ZCCHC14: variants seen among roughly 807,000 people sequenced by gnomAD.
ZCCHC14 encodes the protein zinc finger CCHC domain-containing protein 14.
ZCCHC14 carries 16 observed loss-of-function variants against 85.0 expected under a neutral mutation model. That is an observed-to-expected ratio of 0.19 (90% CI 0.13 to 0.29). ZCCHC14 has a LOEUF of 0.29. ZCCHC14 is among the 10% of genes least tolerant of loss of function. The pLI, the probability that ZCCHC14 is intolerant of heterozygous loss-of-function variation, is 1.00. For missense variants in ZCCHC14, 1,303 were observed against 1,443.5 expected (o/e 0.90, Z 1.58); for synonymous variants, 775 against 630.7 (o/e 1.23, Z -3.43).
chr16:87,492,477 C>G lies in ZCCHC14; in HGVS notation c.-239G>C, dbSNP rs1235390688. The G allele has an allele frequency of 1.4e-5, 2 of 144,466 alleles. No homozygotes were observed. Among genetic ancestry groups the G allele is most frequent in the South Asian group, 2.1e-4 (1 of 4,766 alleles). The allele number at this position is 144,466 out of a possible 1,614,324, so 8.9% of individuals were successfully genotyped here. On this transcript the variant is annotated 5_prime_UTR_variant, in exon 1 of 13. Coordinates refer to ENST00000671377, the MANE Select transcript of ZCCHC14 (RefSeq NM_015144.3). The surrounding 1 kb of genome is among the most constrained non-coding windows in gnomAD (Gnocchi z 6.7). ...GGGCGCGCGCGGGGCGCCGGGGGGG[C>G]CCGGGGCGGCCGGGGCGGCCGGGGG...
intron 12 of ZCCHC14, 198 bp downstream of exon 12, chr16:87,411,318 C>A (rs1908420968): frequency 6.8e-7 from 1 of 1,462,120 alleles, no homozygotes. Flanking sequence ...TGTCTGAAAT[C>A]ATCATGGCCG....
Position 87,417,569 on chromosome 16 carries a change from G to C in ZCCHC14, c.1274C>G (p.Ser425Cys). 2 of 1,614,270 alleles carry C rather than the reference G, an allele frequency of 1.2e-6. No individual in the cohort carries two copies. The highest frequency in any genetic ancestry group is 2.2e-5 in the East Asian group (1 of 44,888). The change falls in exon 8 of 13, where the codon TCC becomes TGC. Residue 425 changes from serine (S) to cysteine (C), a missense_variant. Ser to Cys is a moderately radical substitution (Grantham distance 112). Transcript: ENST00000671377. ...MDTSPAILMP[S>C]SLQTPQTQEQ... ...CTGGGTCTGAGGGGTCTGCAGACTG[G>C]AAGGCATGAGGATGGCAGGTGATGT...
rs1277076080 is a variant in ZCCHC14 at position 87,492,654 on chromosome 16, C to G, written c.-416G>C. 6.9e-6 allele frequency: 1 copy of G among 145,926 alleles called. No individual in the cohort carries two copies. The highest frequency in any genetic ancestry group is 1.5e-5 in the Non-Finnish European group (1 of 65,694). The allele number at this position is 145,926 out of a possible 1,614,324, so 9.0% of individuals were successfully genotyped here. A position where few individuals can be genotyped will look rare whatever the true frequency, so the allele number is the denominator to read the frequency against. ...CGGCCGCCCCCATCTCCCCCCGCGCCGCAGGGTCTGTCACTGCGGGCCGCC... is the reference window on the plus strand; with the variant it reads ...CGGCCGCCCCCATCTCCCCCCGCGCGGCAGGGTCTGTCACTGCGGGCCGCC... On this transcript the variant is annotated 5_prime_UTR_variant, in exon 1 of 13. Coordinates refer to ENST00000671377, the MANE Select transcript of ZCCHC14 (RefSeq NM_015144.3). The surrounding 1 kb of genome is among the most constrained non-coding windows in gnomAD (Gnocchi z 6.7).
chr16:87,426,614 G>A lies in ZCCHC14; in HGVS notation c.769-2733C>T, dbSNP rs1001398573. Reference sequence around the variant, plus strand: ...CCCTCCAGAGCCACTGGAGCCATGCGGCCTCATTCTGCACAAGAAAAGGCT... The same window carrying A: ...CCCTCCAGAGCCACTGGAGCCATGCAGCCTCATTCTGCACAAGAAAAGGCT... On this transcript the variant is annotated intron_variant, in intron 3 of 12. Coordinates refer to ENST00000671377, the MANE Select transcript of ZCCHC14 (RefSeq NM_015144.3). 3.3e-5 allele frequency among the ~76,000 whole-genome samples: 5 copies of A among 152,216 alleles called. 1 individual carries two copies. Among genetic ancestry groups the A allele is most frequent in the Middle Eastern group, 3.4e-3 (1 of 294 alleles).
intron 1 of ZCCHC14, among the ~76,000 whole-genome samples, chr16:87,489,504 C>A (rs1912655928): frequency 1.3e-5 from 2 of 152,324 alleles, no homozygotes; most frequent in East Asian, 1.9e-4. Flanking sequence ...GAGAAAGCAG[C>A]ATTTACTGCA....
intron 2 of ZCCHC14, among the ~76,000 whole-genome samples, chr16:87,457,864 C>T (rs533392954): frequency 4.6e-5 from 7 of 152,142 alleles, no homozygotes; most frequent in South Asian, 2.1e-4. Flanking sequence ...ACAGAAACCG[C>T]GACCCTCTAT....
chr16:87,459,289 T>C (rs535477920), intron 2 of ZCCHC14, among the ~76,000 whole-genome samples: 158 of 151,638 alleles, frequency 1.0e-3, no homozygotes, highest in African/African-American at 3.7e-3. Context: ...ACCGCTCTAG[T>C]GGTTAAGGAT....
chr16:87,425,558 A>G (rs1187260775), intron 3 of ZCCHC14, among the ~76,000 whole-genome samples: 1 of 151,948 alleles, frequency 6.6e-6, no homozygotes, highest in East Asian at 1.9e-4. Flanking sequence ...CCTGGGCAAC[A>G]AGAGCGAAAC....
In ZCCHC14 at chr16:87,420,538, A is replaced by AGCATTGACC; in HGVS notation, c.950+60_950+68dup. Reference sequence around the variant, plus strand: ...CTCCCAGAGCTCCTTGGAGGACCACAGCATTGACCACAGGACCAGCCTGTC... The same window carrying AGCATTGACC: ...CTCCCAGAGCTCCTTGGAGGACCACAGCATTGACCGCATTGACCACAGGACCAGCCTGTC... On this transcript the variant is annotated intron_variant, in intron 5 of 12. Transcript: ENST00000671377. This position sits in a 1 kb window ranked among gnomAD's most constrained non-coding sequence, Gnocchi z 5.0. 1 of 1,316,504 alleles carries AGCATTGACC rather than the reference A, an allele frequency of 7.6e-7. No individual in the cohort carries two copies. Among genetic ancestry groups the AGCATTGACC allele is most frequent in the Non-Finnish European group, 1.1e-6 (1 of 947,372 alleles). The allele number at this position is 1,316,504 out of a possible 1,614,324, so 81.6% of individuals were successfully genotyped here. A position where few individuals can be genotyped will look rare whatever the true frequency, so the allele number is the denominator to read the frequency against.
intron 2 of ZCCHC14, among the ~76,000 whole-genome samples, chr16:87,454,687 A>G (rs1182905360): frequency 2.6e-5 from 4 of 152,276 alleles, no homozygotes; most frequent in African/African-American, 9.6e-5. Context: ...AATGAAGAGC[A>G]GTGGGAATAG....
At chr16:87,431,124 C>A (rs1294575407) in intron 3 of ZCCHC14, among the ~76,000 whole-genome samples, 1 of 147,850 alleles carries the variant, frequency 6.8e-6, no homozygotes, top group Non-Finnish European at 1.5e-5. Flanking sequence ...GGTGACAGAG[C>A]AAGACAGTGT....
rs1328968316 is a variant in ZCCHC14, at chr16:87,491,446, G to A, written c.570+223C>T. 6.6e-6 allele frequency among the ~76,000 whole-genome samples: 1 copy of A among 151,900 alleles called. No individual in the cohort carries two copies. The highest frequency in any genetic ancestry group is 2.4e-5 in the African/African-American group (1 of 41,234). ...CGGAGGCTTGGGATGTACGGTGGAGGCTTGGAGAGGTGGGGCACACATTTG... is the reference window on the plus strand; with the variant it reads ...CGGAGGCTTGGGATGTACGGTGGAGACTTGGAGAGGTGGGGCACACATTTG... On this transcript the variant is annotated intron_variant, in intron 1 of 12. Transcript: ENST00000671377. This position sits in a 1 kb window ranked among gnomAD's most constrained non-coding sequence, Gnocchi z 5.9.
chr16:87,429,344 A>C (rs748474933), intron 3 of ZCCHC14, among the ~76,000 whole-genome samples: 5 of 151,996 alleles, frequency 3.3e-5, no homozygotes, highest in Non-Finnish European at 7.4e-5. Context: ...TTGGCAAATC[A>C]TCTTTTTTTT....
At position 87,463,029 on chromosome 16, in the gene ZCCHC14, T is replaced by C. The variant is rs139232586; in HGVS notation, c.571-2898A>G. Among the ~76,000 whole-genome samples the C allele has an allele frequency of 6.2e-3, 938 of 150,296 alleles. 7 individuals are homozygous for C. The highest frequency in any genetic ancestry group is 9.4e-3 in the Non-Finnish European group (636 of 67,544). On this transcript the variant is annotated intron_variant, in intron 1 of 12. Coordinates refer to ENST00000671377, the MANE Select transcript of ZCCHC14 (RefSeq NM_015144.3). Reference sequence around the variant, plus strand: ...GTTGTAGGGAGCCGAGATTGCGCCATTGCACTCCAGCCTGGGCAACGAGAG... The same window carrying C: ...GTTGTAGGGAGCCGAGATTGCGCCACTGCACTCCAGCCTGGGCAACGAGAG...
intron 1 of ZCCHC14, among the ~76,000 whole-genome samples, chr16:87,490,270 C>CGGT (rs1321941683): frequency 1.3e-5 from 2 of 152,204 alleles, no homozygotes; most frequent in Non-Finnish European, 2.9e-5. Context: ...ACCTAGCAAA[C>CGGT]CAGACGGTGT....
chr16:87,465,554 G>T (rs574029214), intron 1 of ZCCHC14, among the ~76,000 whole-genome samples: 287 of 152,284 alleles, frequency 1.9e-3, no homozygotes, highest in African/African-American at 6.5e-3. Flanking sequence ...ACATCTAGGG[G>T]CACCTGGACT....
At chr16:87,417,778 G>C (rs914283373) in intron 7 of ZCCHC14, 36 bp from the exon 8 acceptor site, 22 of 1,529,100 alleles carry the variant, frequency 1.4e-5, no homozygotes, top group Non-Finnish European at 1.8e-5. Context: ...CAGAGAGACT[G>C]TGGCTTCCAC....
chr16:87,419,491 C>T (rs994525625), intron 6 of ZCCHC14, among the ~76,000 whole-genome samples: 3 of 152,276 alleles, frequency 2.0e-5, no homozygotes, highest in East Asian at 1.9e-4. Flanking sequence ...TTAGTAGACA[C>T]GGGGTTTCAC....
intron 2 of ZCCHC14, among the ~76,000 whole-genome samples, chr16:87,434,148 T>A (rs550380603): frequency 6.6e-6 from 1 of 152,348 alleles, no homozygotes; most frequent in Admixed American, 6.5e-5. Context: ...CTCATCCCGT[T>A]TTCCACGTAC....
Sources: gnomAD v4.1 joint callset for allele counts (sites outside exome capture counted in the v4.1 genomes callset) on GRCh38, gnomAD v4.1.1 for gene constraint, Gnocchi (gnomAD v3.1) non-coding constraint, MANE v1.5 for transcripts, NCBI Gene and HGNC (gene_info 2026-07-23, HGNC 2026-07-21) for gene names.